TENM4: variants seen among roughly 807,000 people sequenced by gnomAD.
The protein encoded by TENM4 is teneurin-4.
A neutral mutation model predicts 243.3 loss-of-function variants in TENM4; 82 were observed. The observed-to-expected ratio is 0.34, with a 90% confidence interval of 0.28 to 0.40. The LOEUF is 0.40. Among genes scored for constraint, TENM4 ranks in the 10% least tolerant of loss-of-function variants. The pLI, the probability that TENM4 is intolerant of heterozygous loss-of-function variation, is 1.00. For synonymous variants in TENM4, 1,412 were observed against 1,456.3 expected, an observed-to-expected ratio of 0.97 and a Z score of 0.69; for missense variants, 3,138 against 3,673.3, an observed-to-expected ratio of 0.85 and a Z score of 3.77.
At chr11:78,961,634 C>G (rs1020042119) in intron 6 of TENM4, among the ~76,000 whole-genome samples, 1 of 152,158 alleles carries the variant, frequency 6.6e-6, no homozygotes, top group East Asian at 1.9e-4. Context: ...AAAGCCAGCG[C>G]TGTTTTATGG....
intron 2 of TENM4, among the ~76,000 whole-genome samples, chr11:79,216,353 C>T (rs987631508): frequency 6.6e-6 from 1 of 152,184 alleles, no homozygotes; most frequent in Admixed American, 6.5e-5. Flanking sequence ...TGGGAGTAGA[C>T]AAGGAATGCA....
chr11:78,995,292 T>C (rs1320914435), intron 6 of TENM4, among the ~76,000 whole-genome samples: 2 of 152,124 alleles, frequency 1.3e-5, no homozygotes, highest in South Asian at 2.1e-4. Flanking sequence ...TTAAAGGGGT[T>C]TGCATGCCAT....
At position 79,331,552 on chromosome 11, in the gene TENM4, C is replaced by T. The variant is rs1857062228; in HGVS notation, c.-320-34009G>A. On this transcript the variant is annotated intron_variant, in intron 1 of 33. Transcript: ENST00000278550. ...CTCTGTGGAGGGGCATGCCCATGCT[C>T]CCCAACATCTACCGGATACAGTGTC... 3.3e-5 allele frequency among the ~76,000 whole-genome samples: 5 copies of T among 152,116 alleles called. No individual in the cohort carries two copies. The South Asian group carries it at 1.0e-3, about 32-fold the overall frequency.
intron 12 of TENM4, among the ~76,000 whole-genome samples, chr11:78,839,742 T>C (rs1393386966): frequency 6.6e-6 from 1 of 152,230 alleles, no homozygotes; most frequent in Non-Finnish European, 1.5e-5. Context: ...ATATTGACTT[T>C]TGACTAAAAG....
At chr11:79,174,397 A>T (rs746887775) in intron 3 of TENM4, among the ~76,000 whole-genome samples, 30 of 151,248 alleles carry the variant, frequency 2.0e-4, no homozygotes, top group South Asian at 1.0e-3. Flanking sequence ...ACTATCTTTA[A>T]TTTTTTTTTC....
At chr11:79,302,946 A>G (rs1322972075) in intron 1 of TENM4, among the ~76,000 whole-genome samples, 1 of 152,196 alleles carries the variant, frequency 6.6e-6, no homozygotes, top group East Asian at 1.9e-4. Context: ...CAAGGAGTAG[A>G]AGGAGGTCAG....
At chr11:78,746,535 A>G (rs1856054885) in intron 19 of TENM4, among the ~76,000 whole-genome samples, 1 of 152,150 alleles carries the variant, frequency 6.6e-6, no homozygotes, top group African/African-American at 2.4e-5. Flanking sequence ...CTTCTGGAAT[A>G]TTTTCTGCTG....
chr11:78,732,471 C>G lies in TENM4; in HGVS notation c.2983G>C (p.Val995Leu). The G allele has an allele frequency of 6.2e-7, 1 of 1,613,724 alleles. No homozygotes were observed. Among genetic ancestry groups the G allele is most frequent in the Non-Finnish European group, 8.5e-7 (1 of 1,179,818 alleles). The change falls in exon 21 of 34, where the codon GTC (valine) becomes CTC (leucine). Residue 995 changes from valine (V) to leucine (L), a missense_variant. By Grantham distance (32) the Val-to-Leu change is conservative (BLOSUM62 1). This residue lies in a region of TENM4 where 2,467 missense variants were observed against 3,059.1 expected (regional missense o/e 0.81). Transcript: ENST00000278550. ...TGTCTCATGATGATGGTTTCCATGA[C>G]AAAGAAGCGATCCCATGGCAGCCAC... ...TLWLPWDRFF[V>L]METIIMRHEE...
At chr11:79,115,928 C>G (rs1039572381) in intron 4 of TENM4, among the ~76,000 whole-genome samples, 1 of 152,286 alleles carries the variant, frequency 6.6e-6, no homozygotes, top group South Asian at 2.1e-4. Flanking sequence ...TGATGAGGCC[C>G]CAGATGGGCA....
intron 1 of TENM4, among the ~76,000 whole-genome samples, chr11:79,319,540 G>A (rs1193876026): frequency 1.3e-5 from 2 of 152,228 alleles, no homozygotes; most frequent in East Asian, 1.9e-4. Context: ...AGTCAAGTAT[G>A]TGCAACTTAA....
intron 29 of TENM4, 74 bp from the exon 30 acceptor site, chr11:78,676,461 T>A: frequency 8.0e-7 from 1 of 1,247,990 alleles, no homozygotes; most frequent in Non-Finnish European, 1.1e-6. Flanking sequence ...GCAGAGGCGG[T>A]GGAGGGGACT....
intron 4 of TENM4, among the ~76,000 whole-genome samples, chr11:79,126,996 T>C (rs34344459): frequency 0.2 from 30,942 of 152,206 alleles, 3,284 homozygotes; most frequent in South Asian, 0.23. Flanking sequence ...TAGGCGCTTA[T>C]GGAGGTCAGA....
At chr11:78,818,684 C>A (rs1420789793) in intron 12 of TENM4, among the ~76,000 whole-genome samples, 1 of 152,158 alleles carries the variant, frequency 6.6e-6, no homozygotes, top group Non-Finnish European at 1.5e-5. Context: ...AAATGATATT[C>A]TTTGGCTTGG....
At chr11:78,799,648 A>G (rs1000965373) in intron 15 of TENM4, among the ~76,000 whole-genome samples, 4 of 152,184 alleles carry the variant, frequency 2.6e-5, no homozygotes, top group African/African-American at 9.6e-5. Flanking sequence ...GCCTGGTCCT[A>G]CTCCAAATTT....
At chr11:78,863,641 T>G (rs970692530) in intron 9 of TENM4, among the ~76,000 whole-genome samples, 4 of 152,180 alleles carry the variant, frequency 2.6e-5, no homozygotes, top group Non-Finnish European at 4.4e-5. Context: ...TGAAATACTA[T>G]TTTTCACATA....
At chr11:78,956,650 C>T (rs57979184) in intron 6 of TENM4, among the ~76,000 whole-genome samples, 1,560 of 152,258 alleles carry the variant, frequency 0.01, 23 homozygotes, top group African/African-American at 0.035. Context: ...TTCTGAGCTC[C>T]GCTTCCCTCA....
intron 15 of TENM4, among the ~76,000 whole-genome samples, chr11:78,790,699 C>T (rs1218372853): frequency 6.6e-6 from 1 of 152,152 alleles, no homozygotes; most frequent in Non-Finnish European, 1.5e-5. Context: ...GATAAGGAAA[C>T]GAAGCCTCAG....
intron 25 of TENM4, among the ~76,000 whole-genome samples, chr11:78,715,876 T>C (rs1235063928): frequency 1.3e-5 from 2 of 152,180 alleles, no homozygotes. Context: ...GCATCTATGA[T>C]GCCCATCTAG....
In TENM4 at chr11:79,158,013, C is replaced by T. The variant is rs182709510; in HGVS notation, c.-162-9207G>A. On this transcript the variant is annotated intron_variant, in intron 3 of 33. Transcript: ENST00000278550. ...CTACACGTCCTACCTGCAAAGCTAG[C>T]ACAATTATGCTGTGCAGCTTACCTC... Among the ~76,000 whole-genome samples the T allele has an allele frequency of 9.6e-4, 146 of 152,270 alleles. 1 individual carries two copies. Among genetic ancestry groups the T allele is most frequent in the African/African-American group, 3.4e-3 (143 of 41,566 alleles).
Sources: allele counts gnomAD v4.1 joint callset (sites outside exome capture counted in the v4.1 genomes callset), GRCh38; gene constraint gnomAD v4.1.1; regional missense constraint gnomAD v4.1.1; transcripts MANE v1.5; gene names NCBI Gene and HGNC (gene_info 2026-07-23, HGNC 2026-07-21).